The following ZWILCH variants were observed in gnomAD, a reference collection of about 807,000 sequenced individuals.
The protein encoded by ZWILCH is protein zwilch homolog.
Under a neutral mutation model 79.9 loss-of-function variants are expected in ZWILCH, and 74 were observed. The observed-to-expected ratio is 0.93, with a 90% CI of 0.77 to 1.12. The LOEUF is 1.12. Ranked by LOEUF, ZWILCH falls within the 50% of genes most tolerant of loss-of-function variation. The probability of loss-of-function intolerance (pLI) is 0.00; values close to 1 mark genes in which losing one functional copy is unlikely to be tolerated. For missense variants in ZWILCH, 694 were observed against 687.5 expected (o/e 1.01, Z -0.11); for synonymous variants, 241 against 228.2 (o/e 1.06, Z -0.51).
chr15:66,528,003 G>C, intron 10 of ZWILCH, 91 bp downstream of exon 10: 4 of 1,023,978 alleles, frequency 3.9e-6, no homozygotes, highest in Non-Finnish European at 5.6e-6. Context: ...CATCGCAAAT[G>C]GATTTGGGAT....
chr15:66,534,144 G>C (rs1329562367), intron 14 of ZWILCH, among the ~76,000 whole-genome samples: 4 of 152,046 alleles, frequency 2.6e-5, no homozygotes, highest in African/African-American at 9.7e-5. Context: ...GATTATGTCT[G>C]TACTGAATAT....
intron 10 of ZWILCH, among the ~76,000 whole-genome samples, chr15:66,528,146 C>T (rs998101417): frequency 2.6e-5 from 4 of 152,208 alleles, no homozygotes; most frequent in South Asian, 2.1e-4. Context: ...CTCTGTCACC[C>T]AGGCTGGAAT....
At chr15:66,543,313 A>T (rs1457747824) in intron 17 of ZWILCH, among the ~76,000 whole-genome samples, 1 of 152,244 alleles carries the variant, frequency 6.6e-6, no homozygotes, top group Non-Finnish European at 1.5e-5. Flanking sequence ...GGTATTGCTT[A>T]TGGTAGCAAA....
chr15:66,529,716 T>A, intron 12 of ZWILCH, 143 bp downstream of exon 12: 1 of 610,356 alleles, frequency 1.6e-6, no homozygotes, highest in East Asian at 2.8e-5. Context: ...TCCTTTACTT[T>A]TCTTGTGCCC....
rs1895532166 is a variant in ZWILCH, at chr15:66,549,847, C to T, written c.*1523C>T. Reference sequence around the variant, plus strand: ...TGGATAAAATGGATAAAATGTTTATCTTTCATGGTAGATTAAATGCTTTAA... The same window carrying T: ...TGGATAAAATGGATAAAATGTTTATTTTTCATGGTAGATTAAATGCTTTAA... On this transcript the variant is annotated 3_prime_UTR_variant, in exon 19 of 19. Transcript: ENST00000307897. 3 of 427,714 alleles carry T rather than the reference C, an allele frequency of 7.0e-6. No individual in the cohort carries two copies. Among genetic ancestry groups the T allele is most frequent in the South Asian group, 5.9e-5 (1 of 17,084 alleles). The allele number at this position is 427,714 out of a possible 1,614,324, so 26.5% of individuals were successfully genotyped here. A position where few individuals can be genotyped will look rare whatever the true frequency, so the allele number is the denominator to read the frequency against.
At chr15:66,510,208 T>C (rs1185924512) in intron 2 of ZWILCH, among the ~76,000 whole-genome samples, 1 of 133,458 alleles carries the variant, frequency 7.5e-6, no homozygotes, top group Non-Finnish European at 1.6e-5. Context: ...ATAAAATAAA[T>C]AAAATAAAAT....
intron 1 of ZWILCH, 122 bp from the exon 2 acceptor site, chr15:66,508,719 A>G (rs1893917492): frequency 1.4e-6 from 2 of 1,473,974 alleles, no homozygotes; most frequent in East Asian, 4.9e-5. Flanking sequence ...GGCTGCTGTA[A>G]GTACTTGCTT....
chr15:66,525,766 T>A (rs931171919), intron 8 of ZWILCH, among the ~76,000 whole-genome samples: 1 of 139,270 alleles, frequency 7.2e-6, no homozygotes. Context: ...CTTTTTTTTT[T>A]TTTTTTTTTT....
intron 17 of ZWILCH, among the ~76,000 whole-genome samples, chr15:66,541,896 A>C (rs911703574): frequency 1.3e-5 from 2 of 152,188 alleles, no homozygotes; most frequent in African/African-American, 4.8e-5. Flanking sequence ...TTTTTCCAGA[A>C]AATGTTTGTG....
At chr15:66,541,059 C>T (rs1442802549) in intron 17 of ZWILCH, among the ~76,000 whole-genome samples, 2 of 150,134 alleles carry the variant, frequency 1.3e-5, no homozygotes, top group Non-Finnish European at 3.0e-5. Flanking sequence ...AGGTGGATCA[C>T]TTTGAACTCA....
intron 2 of ZWILCH, among the ~76,000 whole-genome samples, chr15:66,513,317 G>T: frequency 6.6e-6 from 1 of 151,928 alleles, no homozygotes; most frequent in Non-Finnish European, 1.5e-5. Flanking sequence ...TGTATTCCCA[G>T]CACTTTGGGA....
chr15:66,529,242 T>G (rs896611184), intron 11 of ZWILCH, among the ~76,000 whole-genome samples: 38 of 152,184 alleles, frequency 2.5e-4, no homozygotes, highest in African/African-American at 9.2e-4. Flanking sequence ...GAAATTATAA[T>G]TATTGAAAAA....
chr15:66,544,724 T>TG (rs1555426548), intron 17 of ZWILCH, among the ~76,000 whole-genome samples: 110 of 128,526 alleles, frequency 8.6e-4, no homozygotes, highest in South Asian at 4.1e-3. Flanking sequence ...TTTTTGGTTT[T>TG]TGTGTGTGTG....
Position 66,532,988 on chromosome 15 carries a change from A to T in ZWILCH, c.1316A>T (p.Gln439Leu). The change falls in exon 14 of 19, where the codon CAG becomes CTG. Residue 439 changes from glutamine (Q) to leucine (L), a missense_variant. Transcript: ENST00000307897. Reference protein sequence around the residue: ...KKDYISFFIGQELASLNHLEY... With the variant: ...KKDYISFFIGLELASLNHLEY... Reference sequence around the variant, plus strand: ...TGTATGTGTTTTTTCTTAATAGGTCAGGAACTTGCATCTTTGAATCATTTG... The same window carrying T: ...TGTATGTGTTTTTTCTTAATAGGTCTGGAACTTGCATCTTTGAATCATTTG... 1 of 1,577,298 alleles carries T rather than the reference A, an allele frequency of 6.3e-7. No individual in the cohort carries two copies. The highest frequency in any genetic ancestry group is 8.6e-7 in the Non-Finnish European group (1 of 1,159,094).
chr15:66,535,372 G>A (rs1430969601), intron 14 of ZWILCH, among the ~76,000 whole-genome samples: 2 of 152,084 alleles, frequency 1.3e-5, no homozygotes, highest in African/African-American at 4.8e-5. Context: ...CAGTTCTATT[G>A]TGATCTTATA....
chr15:66,529,633 C>A, intron 12 of ZWILCH, 60 bp downstream of exon 12: 2 of 1,359,840 alleles, frequency 1.5e-6, no homozygotes, highest in Non-Finnish European at 1.0e-6. Flanking sequence ...TGTAAAGACA[C>A]AGGCTCTGAA....
rs996347915 is a variant in ZWILCH, at chr15:66,519,162, T to A, written c.520+84T>A. ...TCATGTTTTTTTACGAAAATTGATA[T>A]TGTTATGATGAAAGTGCACAAGGTA... On this transcript the variant is annotated intron_variant, in intron 5 of 18. Transcript: ENST00000307897. The A allele has an allele frequency of 1.6e-5, 22 of 1,371,794 alleles. No homozygotes were observed. The South Asian group carries it at 2.7e-4, about 17-fold the overall frequency. The allele number at this position is 1,371,794 out of a possible 1,614,324, so 85.0% of individuals were successfully genotyped here. A position where few individuals can be genotyped will look rare whatever the true frequency, so the allele number is the denominator to read the frequency against.
chr15:66,546,789 C>A (rs751969788), intron 18 of ZWILCH, 84 bp downstream of exon 18: 6 of 599,150 alleles, frequency 1.0e-5, no homozygotes, highest in Middle Eastern at 3.0e-4. Flanking sequence ...TTATCAATGT[C>A]GATTTGCTAC....
chr15:66,547,401 C>A (rs1270446939), intron 18 of ZWILCH: 1 of 151,424 alleles, frequency 6.6e-6, no homozygotes. Flanking sequence ...TTTCTACTGT[C>A]TTATTCTTTT....
Sources: gnomAD v4.1 joint callset for allele counts (sites outside exome capture counted in the v4.1 genomes callset) on GRCh38, gnomAD v4.1.1 for gene constraint, MANE v1.5 for transcripts, NCBI Gene and HGNC (gene_info 2026-07-23, HGNC 2026-07-21) for gene names.